YBX1: variants seen among roughly 807,000 people sequenced by gnomAD.
The protein encoded by YBX1 is Y-box-binding protein 1.
In YBX1, 3 loss-of-function variants were observed where a neutral mutation model predicts 41.4. That is an observed-to-expected ratio of 0.07 (90% confidence interval 0.03 to 0.19). YBX1 has a LOEUF of 0.19. YBX1 is among the 10% of genes least tolerant of loss of function. YBX1 has a pLI of 1.00. For synonymous variants in YBX1, 133 were observed against 165.8 expected (o/e 0.80, Z 1.52); for missense variants, 274 against 462.8 (o/e 0.59, Z 3.74).
At chr1:42,690,293 T>A (rs1486784029) in intron 2 of YBX1, among the ~76,000 whole-genome samples, 1 of 151,636 alleles carries the variant, frequency 6.6e-6, no homozygotes, top group East Asian at 1.9e-4. Context: ...AATGCAAATA[T>A]CACATATATT....
rs992902531 is a variant in YBX1 at position 42,700,666 on chromosome 1, T to G, written c.741-115T>G. On this transcript the variant is annotated intron_variant, in intron 6 of 7. Transcript: ENST00000321358. ...TTTACACAAATTGCCTACAGACCAC[T>G]TGATACAGAATGGGCCAGACATGGT... The G allele has an allele frequency of 1.4e-5, 10 of 720,044 alleles. No individual in the cohort carries two copies. The African/African-American group carries it at 2.1e-4, about 15-fold the overall frequency. The allele number at this position is 720,044 out of a possible 1,614,324, so 44.6% of individuals were successfully genotyped here. A position where few individuals can be genotyped will look rare whatever the true frequency, so the allele number is the denominator to read the frequency against.
intron 7 of YBX1, among the ~76,000 whole-genome samples, chr1:42,701,549 A>C (rs961993800): frequency 6.8e-6 from 1 of 147,336 alleles, no homozygotes; most frequent in Non-Finnish European, 1.5e-5. Flanking sequence ...TTGTTGGTTT[A>C]TGTTGTTCCC....
chr1:42,700,770 G>A lies in YBX1; in HGVS notation c.741-11G>A, dbSNP rs776198998. The A allele has an allele frequency of 1.4e-5, 22 of 1,604,912 alleles. No homozygotes were observed. The highest frequency in any genetic ancestry group is 2.2e-5 in the East Asian group (1 of 44,608). Reference sequence around the variant, plus strand: ...TTTTATCATTCTTAAGTTTGACACCGTTCATTGCAGGGGCCCTCCTCGCCA... The same window carrying A: ...TTTTATCATTCTTAAGTTTGACACCATTCATTGCAGGGGCCCTCCTCGCCA... On this transcript the variant is annotated splice_polypyrimidine_tract_variant and intron_variant, in intron 6 of 7. Coordinates refer to ENST00000321358, the MANE Select transcript of YBX1 (RefSeq NM_004559.5).
chr1:42,693,476 GT>G lies in YBX1; in HGVS notation c.231-12del. On this transcript the variant is annotated splice_polypyrimidine_tract_variant and intron_variant, in intron 2 of 7. Coordinates refer to ENST00000321358, the MANE Select transcript of YBX1 (RefSeq NM_004559.5). ...TTCATTTTCTAACTTGTTCAACTTG[GT>G]TCTGTCTTGCAGGAATGACACCAAG... The G allele has an allele frequency of 6.2e-7, 1 of 1,613,310 alleles. No individual in the cohort carries two copies. Among genetic ancestry groups the G allele is most frequent in the East Asian group, 2.2e-5 (1 of 44,832 alleles).
At chr1:42,682,779 G>T in intron 1 of YBX1, 48 bp downstream of exon 1, 2 of 1,164,972 alleles carry the variant, frequency 1.7e-6, no homozygotes, top group Non-Finnish European at 2.1e-6. Flanking sequence ...CAGCCCAGCA[G>T]CGGAACCGTT....
At chr1:42,690,483 C>G (rs1031957824) in intron 2 of YBX1, among the ~76,000 whole-genome samples, 2 of 152,226 alleles carry the variant, frequency 1.3e-5, no homozygotes, top group Admixed American at 6.5e-5. Flanking sequence ...TACATATATA[C>G]AGGGCACCAG....
intron 2 of YBX1, among the ~76,000 whole-genome samples, chr1:42,687,004 T>G (rs1650212398): frequency 6.6e-6 from 1 of 152,224 alleles, no homozygotes; most frequent in Admixed American, 6.5e-5. Context: ...TTTTAGCCGT[T>G]GAAAGACTCT....
chr1:42,696,926 G>T lies in YBX1; in HGVS notation c.639G>T (p.Val213=), dbSNP rs1327462135. 2 of 1,559,692 alleles carry T rather than the reference G, an allele frequency of 1.3e-6. No homozygotes were observed. The highest frequency in any genetic ancestry group is 1.4e-5 in the African/African-American group (1 of 73,388). The change falls in exon 5 of 8, where the codon GTG becomes GTT. Residue 213 remains valine (V), a synonymous_variant. Transcript: ENST00000321358. This position sits in a 1 kb window ranked among gnomAD's most constrained non-coding sequence, Gnocchi z 5.7. ...GRRPQYSNPP[V]QGEVMEGADN... Reference sequence around the variant, plus strand: ...GACCACAGTATTCCAACCCTCCTGTGCAGGGAGAAGTGATGGAGGTAAGTT... The same window carrying T: ...GACCACAGTATTCCAACCCTCCTGTTCAGGGAGAAGTGATGGAGGTAAGTT...
Position 42,696,536 on chromosome 1 carries a change from AC to A in YBX1, c.355-105del. Reference sequence around the variant, plus strand: ...GCCCCCCCCCCCTTTTTTTTCCTTAACTTTGTTGTTTTTTGCTTTGTTTGAA... The same window carrying A: ...GCCCCCCCCCCCTTTTTTTTCCTTAATTTGTTGTTTTTTGCTTTGTTTGAA... On this transcript the variant is annotated intron_variant, in intron 4 of 7. Transcript: ENST00000321358. This position sits in a 1 kb window ranked among gnomAD's most constrained non-coding sequence, Gnocchi z 5.7. 1 of 314,866 alleles carries A rather than the reference AC, an allele frequency of 3.2e-6. No individual in the cohort carries two copies. The allele number at this position is 314,866 out of a possible 1,614,324, so 19.5% of individuals were successfully genotyped here.
intron 2 of YBX1, among the ~76,000 whole-genome samples, chr1:42,691,116 T>G (rs942753843): frequency 1.3e-5 from 2 of 152,202 alleles, no homozygotes; most frequent in Non-Finnish European, 2.9e-5. Context: ...ATCAATACAT[T>G]TAAATCACTG....
At chr1:42,690,640 G>A (rs142763201) in intron 2 of YBX1, among the ~76,000 whole-genome samples, 1 of 152,328 alleles carries the variant, frequency 6.6e-6, no homozygotes, top group Non-Finnish European at 1.5e-5. Context: ...CAGCTTTGGA[G>A]TTCAGGGCCT....
Position 42,699,000 on chromosome 1 carries a change from G to GT in YBX1, c.740+1739dup, listed in dbSNP as rs774638932. 4.6e-5 allele frequency among the ~76,000 whole-genome samples: 7 copies of GT among 152,184 alleles called. No individual in the cohort carries two copies. The South Asian group carries it at 8.3e-4, about 18-fold the overall frequency. Reference sequence around the variant, plus strand: ...AATCTTAAGACAGAGTATAGTACAAGTGTTGCTGAAAATGAGACTAATAGT... The same window carrying GT: ...AATCTTAAGACAGAGTATAGTACAAGTTGTTGCTGAAAATGAGACTAATAGT... On this transcript the variant is annotated intron_variant, in intron 6 of 7. Coordinates refer to ENST00000321358, the MANE Select transcript of YBX1 (RefSeq NM_004559.5).
At chr1:42,693,449 A>T (rs201654582) in intron 2 of YBX1, 41 bp from the exon 3 acceptor site, 1 of 1,610,148 alleles carries the variant, frequency 6.2e-7, no homozygotes, top group Non-Finnish European at 8.5e-7. Flanking sequence ...CATGAGATTT[A>T]TTTCATTTTC....
chr1:42,693,307 G>A (rs1354693123), intron 2 of YBX1, among the ~76,000 whole-genome samples, 183 bp from the exon 3 acceptor site: 1 of 151,362 alleles, frequency 6.6e-6, no homozygotes, highest in Non-Finnish European at 1.5e-5. Context: ...CGGGTAATGA[G>A]GCTACAACTG....
intron 3 of YBX1, among the ~76,000 whole-genome samples, chr1:42,695,528 G>A (rs189858116): frequency 3.2e-3 from 482 of 152,326 alleles, no homozygotes; most frequent in Non-Finnish European, 5.3e-3. Flanking sequence ...ATAGAAACGT[G>A]AGATGTTACT....
Position 42,703,624 on chromosome 1 carries a change from T to TA in YBX1, c.*1676dup, listed in dbSNP as rs954036466. On this transcript the variant is annotated 3_prime_UTR_variant, in exon 8 of 8. Transcript: ENST00000321358. Reference sequence around the variant, plus strand: ...TGTTGGTAGCATCTAAACTGTTACTTACAACTGCAGACGCACACAGTCCCT... The same window carrying TA: ...TGTTGGTAGCATCTAAACTGTTACTTAACAACTGCAGACGCACACAGTCCCT... Among the ~76,000 whole-genome samples the TA allele has an allele frequency of 1.3e-5, 2 of 152,174 alleles. No homozygotes were observed. The highest frequency in any genetic ancestry group is 6.5e-5 in the Admixed American group (1 of 15,272).
chr1:42,701,646 A>G (rs1650604706), intron 7 of YBX1, among the ~76,000 whole-genome samples: 2 of 152,110 alleles, frequency 1.3e-5, no homozygotes, highest in Admixed American at 6.6e-5. Flanking sequence ...CTGTAGATTA[A>G]TAATAATAAT....
Position 42,682,521 on chromosome 1 carries a change from G to C in YBX1, c.-45G>C, listed in dbSNP as rs1009030426. On this transcript the variant is annotated 5_prime_UTR_variant, in exon 1 of 8. Coordinates refer to ENST00000321358, the MANE Select transcript of YBX1 (RefSeq NM_004559.5). ...CCTAGTTACCATCACACCCCGGGAGGAGCCGCAGCTGCCGCAGCCGGCCCC... is the reference window on the plus strand; with the variant it reads ...CCTAGTTACCATCACACCCCGGGAGCAGCCGCAGCTGCCGCAGCCGGCCCC... The C allele has an allele frequency of 2.4e-5, 34 of 1,420,768 alleles. 1 individual carries two copies. The highest frequency in any genetic ancestry group is 2.8e-5 in the Non-Finnish European group (30 of 1,090,496). 88.0% of individuals were successfully genotyped at this position (1,420,768 alleles called of 1,614,324 possible). A position where few individuals can be genotyped will look rare whatever the true frequency, so the allele number is the denominator to read the frequency against.
At chr1:42,698,137 G>A (rs1399864079) in intron 6 of YBX1, among the ~76,000 whole-genome samples, 2 of 152,212 alleles carry the variant, frequency 1.3e-5, no homozygotes, top group African/African-American at 4.8e-5. Context: ...AATATACTGT[G>A]AGTCTATAAG....
Sources: gnomAD v4.1 joint callset for allele counts (sites outside exome capture counted in the v4.1 genomes callset) on GRCh38, gnomAD v4.1.1 for gene constraint, Gnocchi (gnomAD v3.1) non-coding constraint, MANE v1.5 for transcripts, NCBI Gene and HGNC (gene_info 2026-07-23, HGNC 2026-07-21) for gene names.